CUL3: variants seen among roughly 807,000 people sequenced by gnomAD.
CUL3 encodes the protein cullin 3, also known as cullin-3.
In CUL3, 19 loss-of-function variants were observed where a neutral mutation model predicts 89.1. That is an observed-to-expected ratio of 0.21 (90% confidence interval 0.15 to 0.31). CUL3 has a LOEUF of 0.31. CUL3 is among the 10% of genes least tolerant of loss of function. The pLI is 1.00. For synonymous variants in CUL3, 351 were observed against 308.4 expected (o/e 1.14, Z -1.45); for missense variants, 469 against 942.3 (o/e 0.50, Z 6.58).
intron 1 of CUL3, chr2:224,569,671 AGTCT>A: frequency 9.2e-7 from 1 of 1,082,218 alleles, no homozygotes. Context: ...AAAGGATGTC[AGTCT>A]ATTATATACT....
At chr2:224,573,954 A>G (rs572986715) in intron 1 of CUL3, among the ~76,000 whole-genome samples, 2 of 152,312 alleles carry the variant, frequency 1.3e-5, no homozygotes, top group Admixed American at 6.5e-5. Context: ...GTGGAAATGG[A>G]AAGGAATTGG....
intron 15 of CUL3, among the ~76,000 whole-genome samples, chr2:224,477,549 C>T (rs922059727): frequency 6.6e-6 from 1 of 152,202 alleles, no homozygotes; most frequent in African/African-American, 2.4e-5. Flanking sequence ...TGTGCCAATA[C>T]ACAATAAAGT....
chr2:224,493,199 T>A (rs1692048826), intron 13 of CUL3, among the ~76,000 whole-genome samples: 1 of 152,190 alleles, frequency 6.6e-6, no homozygotes, highest in East Asian at 1.9e-4. Flanking sequence ...ACTTTTGAAA[T>A]TCGTCATGTG....
chr2:224,534,758 A>C (rs1013451396), intron 3 of CUL3, among the ~76,000 whole-genome samples: 3 of 152,042 alleles, frequency 2.0e-5, no homozygotes, highest in African/African-American at 7.2e-5. Context: ...CGAGGTGGGC[A>C]GATCACCAGG....
At chr2:224,509,228 T>C (rs564291610) in intron 6 of CUL3, among the ~76,000 whole-genome samples, 3 of 152,112 alleles carry the variant, frequency 2.0e-5, no homozygotes, top group Non-Finnish European at 2.9e-5. Flanking sequence ...ACCTTTTTTT[T>C]CTTAAGACAG....
At chr2:224,583,144 C>CGAGGTCGGTGATCACCT (rs1444023177) in intron 1 of CUL3, among the ~76,000 whole-genome samples, 1 of 152,066 alleles carries the variant, frequency 6.6e-6, no homozygotes, top group East Asian at 1.9e-4. Context: ...TTTGGGAGGC[C>CGAGGTCGGTGATCACCT]GAGGTCGGTG....
intron 2 of CUL3, 115 bp from the exon 3 acceptor site, chr2:224,535,756 G>T: frequency 1.4e-6 from 1 of 697,456 alleles, no homozygotes; most frequent in Non-Finnish European, 2.5e-6. Context: ...TTAAATCAAA[G>T]AAATGTTATA....
chr2:224,539,274 T>C (rs1211485082), intron 2 of CUL3, among the ~76,000 whole-genome samples: 2 of 152,182 alleles, frequency 1.3e-5, no homozygotes, highest in South Asian at 2.1e-4. Flanking sequence ...TTACATACCT[T>C]TGAGAATGGC....
intron 12 of CUL3, among the ~76,000 whole-genome samples, chr2:224,496,678 C>CA (rs1055278698): frequency 2.7e-5 from 4 of 149,162 alleles, no homozygotes; most frequent in East Asian, 1.9e-4. Context: ...AGTAAGAGAT[C>CA]AAAAAATAGC....
At chr2:224,508,394 A>G (rs561940841) in intron 6 of CUL3, among the ~76,000 whole-genome samples, 63 of 152,310 alleles carry the variant, frequency 4.1e-4, no homozygotes, top group African/African-American at 1.5e-3. Context: ...CCATATTTAG[A>G]ACAGGTATTA....
At chr2:224,522,751 C>G (rs1215905638) in intron 3 of CUL3, among the ~76,000 whole-genome samples, 2 of 151,094 alleles carry the variant, frequency 1.3e-5, no homozygotes, top group African/African-American at 4.9e-5. Flanking sequence ...TGATATGAAC[C>G]CGGGAGGCGG....
intron 2 of CUL3, among the ~76,000 whole-genome samples, chr2:224,554,781 T>TC (rs1186178297): frequency 6.6e-6 from 1 of 152,224 alleles, no homozygotes; most frequent in Non-Finnish European, 1.5e-5. Flanking sequence ...AACATGCCCC[T>TC]CTTCCAAGTT....
At chr2:224,582,683 G>A (rs1485432359) in intron 1 of CUL3, among the ~76,000 whole-genome samples, 2 of 152,146 alleles carry the variant, frequency 1.3e-5, no homozygotes, top group African/African-American at 4.8e-5. Flanking sequence ...TTCAGTTCCA[G>A]TACTATGTGG....
chr2:224,532,620 G>C (rs1693737166), intron 3 of CUL3, among the ~76,000 whole-genome samples: 1 of 151,068 alleles, frequency 6.6e-6, no homozygotes. Context: ...AGAAAAGGAA[G>C]ATGGCAAATG....
At chr2:224,507,862 A>C (rs1334050777) in intron 6 of CUL3, among the ~76,000 whole-genome samples, 1 of 152,178 alleles carries the variant, frequency 6.6e-6, no homozygotes, top group Non-Finnish European at 1.5e-5. Flanking sequence ...TAAAAGTTTT[A>C]CAATCAATAA....
Position 224,470,605 on chromosome 2 carries a change from A to C in CUL3, c.*3640T>G, listed in dbSNP as rs1484444235. The C allele has an allele frequency of 1.3e-5, 3 of 231,846 alleles. No homozygotes were observed. The highest frequency in any genetic ancestry group is 2.6e-5 in the Non-Finnish European group (3 of 117,278). 14.4% of individuals were successfully genotyped at this position (231,846 alleles called of 1,614,324 possible). ...AGATTTGAATTTAAGGTACATGCCT[A>C]TCTGTGGTACCCACTTAAGTATGTA... is the stretch of plus-strand genomic sequence containing the variant. On this transcript the variant is annotated 3_prime_UTR_variant, in exon 16 of 16. Transcript: ENST00000264414.
At chr2:224,526,904 AAAAT>A (rs1290251319) in intron 3 of CUL3, among the ~76,000 whole-genome samples, 1 of 152,170 alleles carries the variant, frequency 6.6e-6, no homozygotes, top group Admixed American at 6.5e-5. Flanking sequence ...AGTAGCAAGA[AAAAT>A]AAAATTAAAA....
chr2:224,537,832 C>T (rs1270822635), intron 2 of CUL3, among the ~76,000 whole-genome samples: 2 of 152,086 alleles, frequency 1.3e-5, no homozygotes, highest in Non-Finnish European at 2.9e-5. Context: ...GAATTTGGAA[C>T]ACGTAAATGT....
chr2:224,542,556 C>CGTGT (rs35806786), intron 2 of CUL3, among the ~76,000 whole-genome samples: 13,635 of 150,428 alleles, frequency 0.091, 1,028 homozygotes, highest in African/African-American at 0.2. Context: ...TGTGCGTGTG[C>CGTGT]GTGTGTGTGT....
Sources: gnomAD v4.1 joint callset for allele counts (sites outside exome capture counted in the v4.1 genomes callset) on GRCh38, gnomAD v4.1.1 for gene constraint, MANE v1.5 for transcripts, NCBI Gene and HGNC (gene_info 2026-07-23, HGNC 2026-07-21) for gene names.